The following WDR86 variants were observed in gnomAD, a reference collection of about 807,000 sequenced individuals.
WDR86 encodes the protein WD repeat domain 86, also known as WD repeat-containing protein 86.
In WDR86, 30 loss-of-function variants were observed where a neutral mutation model predicts 36.5. The ratio of observed to expected loss-of-function variants is 0.82; its 90% CI spans 0.61 to 1.11. WDR86 has a LOEUF of 1.11. Among genes scored for constraint, WDR86 ranks in the 50% most tolerant of loss-of-function variants. The probability of loss-of-function intolerance (pLI) is 0.00; values close to 1 mark genes in which losing one functional copy is unlikely to be tolerated. For missense variants in WDR86, 545 were observed against 561.2 expected (o/e 0.97, Z 0.29); for synonymous variants, 255 against 252.9 (o/e 1.01, Z -0.08).
At chr7:151,381,051 G>A, downstream of WDR86, 4 of 940,810 alleles carry the variant, frequency 4.3e-6, no homozygotes, top group Non-Finnish European at 5.4e-6. This position sits in a 1 kb window ranked among gnomAD's most constrained non-coding sequence, Gnocchi z 4.8. Context: ...CGCCGCCCTG[G>A]GTTCCTGGAA....
rs763710901 is a variant in WDR86 at position 151,381,989 on chromosome 7, C to A, written c.863-8G>T. ...CCCCGCTGCCCGTGAACACTGCGGA[C>A]ACACAGCGCGCGCTGGGCCTCCCTC... On this transcript the variant is annotated splice_region_variant and splice_polypyrimidine_tract_variant and intron_variant, in intron 4 of 5. Transcript: ENST00000334493. This position sits in a 1 kb window ranked among gnomAD's most constrained non-coding sequence, Gnocchi z 4.8. The A allele has an allele frequency of 6.3e-7, 1 of 1,592,182 alleles. No individual in the cohort carries two copies. The highest frequency in any genetic ancestry group is 1.8e-5 in the Admixed American group (1 of 56,862).
At chr7:151,403,235 G>A (rs541075986) in intron 1 of WDR86, among the ~76,000 whole-genome samples, 420 of 152,274 alleles carry the variant, frequency 2.8e-3, no homozygotes, top group African/African-American at 9.8e-3. Context: ...ACCCACAGGT[G>A]CAGAACGTGT....
At chr7:151,370,789 C>A in the WDR86 span, among the ~76,000 whole-genome samples, 1 of 148,146 alleles carries the variant, frequency 6.8e-6, no homozygotes, top group Admixed American at 6.9e-5. Flanking sequence ...TGAGAATATG[C>A]GGTGTTTGGT....
At chr7:151,378,992 C>T (rs1489508242), downstream of WDR86, among the ~76,000 whole-genome samples, 5 of 152,246 alleles carry the variant, frequency 3.3e-5, no homozygotes, top group Non-Finnish European at 4.4e-5. Context: ...AGACTTGGGC[C>T]GGGCCTGCTC....
intron 4 of WDR86, among the ~76,000 whole-genome samples, chr7:151,383,954 G>A (rs765438025): frequency 8.5e-5 from 13 of 152,208 alleles, no homozygotes; most frequent in Admixed American, 2.6e-4. Flanking sequence ...AACCTTCCTC[G>A]TGTTCAATTA....
In WDR86 at chr7:151,409,740, G is replaced by T. The variant is rs1239777858; in HGVS notation, c.-151C>A. On this transcript the variant is annotated 5_prime_UTR_variant, in exon 1 of 6. Transcript: ENST00000334493. The surrounding 1 kb of genome is among the most constrained non-coding windows in gnomAD (Gnocchi z 5.2). ...TGCGGAGGCACGCGGCGAGGGGAGG[G>T]TGAAGGACCCTAGCTCCCCGCTGCC... is the stretch of plus-strand genomic sequence containing the variant. The T allele has an allele frequency of 5.4e-6, 7 of 1,298,462 alleles. No homozygotes were observed. The highest frequency in any genetic ancestry group is 5.8e-6 in the Non-Finnish European group (6 of 1,028,026). The allele number at this position is 1,298,462 out of a possible 1,614,324, so 80.4% of individuals were successfully genotyped here. A position where few individuals can be genotyped will look rare whatever the true frequency, so the allele number is the denominator to read the frequency against.
At chr7:151,408,291 G>T (rs1438922351) in intron 1 of WDR86, among the ~76,000 whole-genome samples, 1 of 150,938 alleles carries the variant, frequency 6.6e-6, no homozygotes, top group East Asian at 1.9e-4. Flanking sequence ...CTGCCTCCTG[G>T]GTTCAAGTGA....
intron 1 of WDR86, among the ~76,000 whole-genome samples, chr7:151,402,070 A>AAAAAAAAAATATATATATAT: frequency 1.8e-4 from 9 of 50,536 alleles, no homozygotes; most frequent in African/African-American, 4.7e-4. Flanking sequence ...AAAAAAAAAA[A>AAAAAAAAAATATATATATAT]ATATATATAT....
chr7:151,381,181 T>G lies in WDR86; in HGVS notation c.*401A>C. 8.0e-7 allele frequency: 1 copy of G among 1,250,834 alleles called. No individual in the cohort carries two copies. The highest frequency in any genetic ancestry group is 1.0e-6 in the Non-Finnish European group (1 of 1,000,358). 77.5% of individuals were successfully genotyped at this position (1,250,834 alleles called of 1,614,324 possible). On this transcript the variant is annotated 3_prime_UTR_variant, in exon 6 of 6. Coordinates refer to ENST00000334493, the MANE Select transcript of WDR86 (RefSeq NM_198285.3). The surrounding 1 kb of genome is among the most constrained non-coding windows in gnomAD (Gnocchi z 4.8). ...CCCAAGGCCCTCGAGACGGACGATT[T>G]GCCAAAATAACCAGGTTCAGTGGCT...
At chr7:151,376,846 C>A, downstream of WDR86, 1 of 1,543,846 alleles carries the variant, frequency 6.5e-7, no homozygotes. Context: ...GCATTGAGAG[C>A]AAAGTGTCTT....
At chr7:151,380,890 C>A (rs762493287), downstream of WDR86, among the ~76,000 whole-genome samples, 2 of 151,706 alleles carry the variant, frequency 1.3e-5, no homozygotes, top group Non-Finnish European at 2.9e-5. Flanking sequence ...CCCGCTGTCA[C>A]CTGCACAGGC....
Position 151,381,459 on chromosome 7 carries a change from C to T in WDR86, c.*123G>A, listed in dbSNP as rs1015910812. ...AGACGCCTGCGACGGGCTCTCCTCC[C>T]GCCCGGGCTTCCTCGCTCCTCGCCC... On this transcript the variant is annotated 3_prime_UTR_variant, in exon 6 of 6. Transcript: ENST00000334493. The surrounding 1 kb of genome is among the most constrained non-coding windows in gnomAD (Gnocchi z 4.8). The T allele has an allele frequency of 2.0e-6, 3 of 1,489,614 alleles. No individual in the cohort carries two copies. The highest frequency in any genetic ancestry group is 1.5e-5 in the African/African-American group (1 of 68,748). 92.3% of individuals were successfully genotyped at this position (1,489,614 alleles called of 1,614,324 possible).
In WDR86 at chr7:151,385,097, C is replaced by T. The variant is rs753850081; in HGVS notation, c.853G>A (p.Ala285Thr). The T allele has an allele frequency of 2.1e-5, 33 of 1,603,344 alleles. No individual in the cohort carries two copies. Among genetic ancestry groups the T allele is most frequent in the Non-Finnish European group, 2.0e-5 (23 of 1,173,936 alleles). Residue 285 changes from alanine to threonine, a missense_variant, in exon 4 of 6, where the codon GCG (alanine) becomes ACG (threonine). Coordinates refer to ENST00000334493, the MANE Select transcript of WDR86 (RefSeq NM_198285.3). The part of the protein sequence containing the change: ...RRNVSALKYH[A>T]GTLFTGSGDA... ...GGGCCAAGTCACTTACAGGTGCCCGCGTGGTACTTGAGGGCGCTCACGTTG... is the reference window on the plus strand; with the variant it reads ...GGGCCAAGTCACTTACAGGTGCCCGTGTGGTACTTGAGGGCGCTCACGTTG...
At chr7:151,403,424 C>T (rs374344136) in intron 1 of WDR86, among the ~76,000 whole-genome samples, 98 of 152,310 alleles carry the variant, frequency 6.4e-4, no homozygotes, top group African/African-American at 2.1e-3. Context: ...TTCATTTAGA[C>T]AGCTGGTATT....
In WDR86 at chr7:151,405,329, C is replaced by G. The variant is rs10247984; in HGVS notation, c.163+4098G>C. On this transcript the variant is annotated intron_variant, in intron 1 of 5. Transcript: ENST00000334493. The surrounding 1 kb of genome is among the most constrained non-coding windows in gnomAD (Gnocchi z 4.7). ...CTCAGGCTGGCTGTGGCCATCCAAC[C>G]TGGAAGGAAGCCCTCTCAGCTGTTT... is the stretch of plus-strand genomic sequence containing the variant. Among the ~76,000 whole-genome samples, 1 of 152,194 alleles carries G rather than the reference C, an allele frequency of 6.6e-6. No homozygotes were observed. Among genetic ancestry groups the G allele is most frequent in the Non-Finnish European group, 1.5e-5 (1 of 68,022 alleles).
At chr7:151,410,135 C>A (rs1008618303), upstream of WDR86, 5 of 949,984 alleles carry the variant, frequency 5.3e-6, no homozygotes, top group Non-Finnish European at 6.3e-6. Flanking sequence ...GCAGCCTCCC[C>A]CCTTCGTCGC....
chr7:151,409,165 T>C lies in WDR86; in HGVS notation c.163+262A>G. Reference sequence around the variant, plus strand: ...CTGGTTGACAAATGATCTTCGCCTTTGTAGCGGACGCCCCTCGACCCACCC... The same window carrying C: ...CTGGTTGACAAATGATCTTCGCCTTCGTAGCGGACGCCCCTCGACCCACCC... On this transcript the variant is annotated intron_variant, in intron 1 of 5. Transcript: ENST00000334493. This position sits in a 1 kb window ranked among gnomAD's most constrained non-coding sequence, Gnocchi z 5.2. 1.6e-6 allele frequency: 1 copy of C among 639,368 alleles called. No homozygotes were observed. The highest frequency in any genetic ancestry group is 2.9e-6 in the Non-Finnish European group (1 of 344,846). 39.6% of individuals were successfully genotyped at this position (639,368 alleles called of 1,614,324 possible). A position where few individuals can be genotyped will look rare whatever the true frequency, so the allele number is the denominator to read the frequency against.
Position 151,396,177 on chromosome 7 carries a change from G to A in WDR86, c.325C>T (p.Gln109Ter), listed in dbSNP as rs757152750. Residue 109 changes from glutamine to a stop codon, truncating the protein, a stop_gained, in exon 3 of 6, where the codon CAG (glutamine) becomes TAG (stop). Coordinates refer to ENST00000334493, the MANE Select transcript of WDR86 (RefSeq NM_198285.3). LOFTEE classifies it high-confidence loss of function. ...IVNRILVANN[Q>*]LFSSSYDRTA... ...CGGTCATAGGAGCTGCTGAAGAGCTGGTTGTTGGCAACCAGGATCCTGGGG... is the reference window on the plus strand; with the variant it reads ...CGGTCATAGGAGCTGCTGAAGAGCTAGTTGTTGGCAACCAGGATCCTGGGG... 8 of 1,612,906 alleles carry A rather than the reference G, an allele frequency of 5.0e-6. No homozygotes were observed. The highest frequency in any genetic ancestry group is 6.8e-6 in the Non-Finnish European group (8 of 1,179,870).
At position 151,407,405 on chromosome 7, in the gene WDR86, G is replaced by A. The variant is rs115036018; in HGVS notation, c.163+2022C>T. ...AAAGCCAAGTGCCCACCAGGCTACC[G>A]GCAGCCTGGCAAAGCCTGGGGCCTC... On this transcript the variant is annotated intron_variant, in intron 1 of 5. Transcript: ENST00000334493. Among the ~76,000 whole-genome samples the A allele has an allele frequency of 3.9e-3, 599 of 152,310 alleles. 9 individuals are homozygous for A. The highest frequency in any genetic ancestry group is 0.012 in the African/African-American group (513 of 41,574).
Sources: gnomAD v4.1 joint callset for allele counts (sites outside exome capture counted in the v4.1 genomes callset) on GRCh38, gnomAD v4.1.1 for gene constraint, Gnocchi (gnomAD v3.1) non-coding constraint, MANE v1.5 for transcripts, NCBI Gene and HGNC (gene_info 2026-07-23, HGNC 2026-07-21) for gene names.